The following PRKN variants were observed in gnomAD, a reference collection of about 807,000 sequenced individuals.
The protein encoded by PRKN is E3 ubiquitin-protein ligase parkin.
A neutral mutation model predicts 59.5 loss-of-function variants in PRKN; 56 were observed. The ratio of observed to expected loss-of-function variants is 0.94; its 90% confidence interval spans 0.76 to 1.18. The LOEUF (loss-of-function observed/expected upper bound fraction) is 1.18. Ranked by LOEUF, PRKN falls within the 50% of genes most tolerant of loss-of-function variation. The probability of loss-of-function intolerance (pLI) is 0.00; values close to 1 mark genes in which losing one functional copy is unlikely to be tolerated. For missense variants in PRKN, 657 were observed against 596.4 expected (o/e 1.10, Z -1.06); for synonymous variants, 250 against 222.1 (o/e 1.13, Z -1.12).
chr6:161,743,578 C>T lies in PRKN; in HGVS notation c.871+42194G>A, dbSNP rs1233400859. On this transcript the variant is annotated intron_variant, in intron 7 of 11. Coordinates refer to ENST00000366898, the MANE Select transcript of PRKN (RefSeq NM_004562.3). ...TTTCTATCTTATCTCACAATGATCA[C>T]CACCCTCCAACCCAACATATAATTC... 2.0e-5 allele frequency among the ~76,000 whole-genome samples: 3 copies of T among 151,798 alleles called. No individual in the cohort carries two copies. In the East Asian group the frequency reaches 5.8e-4, roughly 30 times the overall value.
intron 7 of PRKN, among the ~76,000 whole-genome samples, chr6:161,603,506 G>A (rs115269357): frequency 1.3e-5 from 2 of 152,268 alleles, no homozygotes; most frequent in African/African-American, 4.8e-5. Context: ...ATAAATCACT[G>A]TTTGCGCACA....
chr6:162,655,027 A>T (rs1397002689), intron 1 of PRKN, among the ~76,000 whole-genome samples: 1 of 152,194 alleles, frequency 6.6e-6, no homozygotes. Flanking sequence ...ACAATTCTGT[A>T]TGCATAGTTA....
At position 161,355,908 on chromosome 6, in the gene PRKN, T is replaced by C. The variant is rs147897847; in HGVS notation, c.1285+4180A>G. 1.9e-3 allele frequency among the ~76,000 whole-genome samples: 295 copies of C among 151,674 alleles called. 2 individuals carry two copies. The highest frequency in any genetic ancestry group is 6.8e-3 in the African/African-American group (279 of 41,312). On this transcript the variant is annotated intron_variant, in intron 11 of 11. Transcript: ENST00000366898. This position sits in a 1 kb window ranked among gnomAD's most constrained non-coding sequence, Gnocchi z 6.8. ...TTATTAAACTGGTGGGTGGGACTCG[T>C]TGGGTAAAGGGGGAAGCAGACACTG...
Position 162,567,322 on chromosome 6 carries a change from G to A in PRKN, c.8-123849C>T, listed in dbSNP as rs148838895. Among the ~76,000 whole-genome samples, 814 of 152,232 alleles carry A rather than the reference G, an allele frequency of 5.3e-3. 8 individuals are homozygous for A. Among genetic ancestry groups the A allele is most frequent in the African/African-American group, 0.019 (778 of 41,558 alleles). On this transcript the variant is annotated intron_variant, in intron 1 of 11. Transcript: ENST00000366898. ...AGGCATCCAAATTGTAAAGGAAGAA[G>A]TCAAATTATCCTTGTCTGCAGATGA...
intron 4 of PRKN, among the ~76,000 whole-genome samples, chr6:162,099,733 C>T (rs891717446): frequency 1.7e-4 from 26 of 152,190 alleles, no homozygotes; most frequent in African/African-American, 3.6e-4. Flanking sequence ...TAAATTGAGA[C>T]AATATGTGCA....
intron 4 of PRKN, among the ~76,000 whole-genome samples, chr6:162,078,846 A>C: frequency 6.7e-6 from 1 of 148,906 alleles, no homozygotes; most frequent in Non-Finnish European, 1.5e-5. Context: ...GTTACTAAGC[A>C]AGATTATTAA....
intron 6 of PRKN, among the ~76,000 whole-genome samples, chr6:161,787,403 C>T (rs999062218): frequency 1.3e-5 from 2 of 152,156 alleles, no homozygotes; most frequent in East Asian, 1.9e-4. Context: ...ATAATGCTTT[C>T]CTATTTCTAA....
intron 2 of PRKN, among the ~76,000 whole-genome samples, chr6:162,371,935 TAGA>T (rs1419350302): frequency 1.3e-5 from 2 of 152,160 alleles, no homozygotes; most frequent in East Asian, 3.9e-4. Context: ...GTGGAAACAT[TAGA>T]AGGGCATGAT....
At chr6:162,094,703 CCA>C (rs1412976233) in intron 4 of PRKN, among the ~76,000 whole-genome samples, 7 of 151,922 alleles carry the variant, frequency 4.6e-5, no homozygotes, top group African/African-American at 1.7e-4. Flanking sequence ...GTTTCATTTT[CCA>C]TTATTAGTTT....
At chr6:161,883,945 G>A (rs1366342833) in intron 6 of PRKN, among the ~76,000 whole-genome samples, 5 of 152,086 alleles carry the variant, frequency 3.3e-5, no homozygotes, top group African/African-American at 9.7e-5. Flanking sequence ...GAGCCACTGC[G>A]CCCAGCCTAA....
intron 2 of PRKN, among the ~76,000 whole-genome samples, chr6:162,329,203 C>T (rs891201564): frequency 1.1e-4 from 16 of 152,074 alleles, no homozygotes; most frequent in Non-Finnish European, 2.4e-4. Context: ...ACAGCTCCAG[C>T]CATATAAATG....
chr6:161,714,314 A>G (rs972374954), intron 7 of PRKN, among the ~76,000 whole-genome samples: 39 of 152,216 alleles, frequency 2.6e-4, no homozygotes, highest in African/African-American at 8.9e-4. Context: ...CAGTATTATT[A>G]AGAAATGGCT....
intron 6 of PRKN, among the ~76,000 whole-genome samples, chr6:161,924,625 T>C (rs999055968): frequency 6.6e-6 from 1 of 152,048 alleles, no homozygotes; most frequent in Admixed American, 6.5e-5. Context: ...GAAGTCCAGA[T>C]AGGTTAAGAG....
intron 7 of PRKN, among the ~76,000 whole-genome samples, chr6:161,758,681 T>A (rs553029157): frequency 6.6e-6 from 1 of 152,166 alleles, no homozygotes; most frequent in African/African-American, 2.4e-5. Flanking sequence ...AAAAACAATA[T>A]AAACCAACAT....
chr6:161,862,292 T>C (rs936594983), intron 6 of PRKN, among the ~76,000 whole-genome samples: 2 of 152,176 alleles, frequency 1.3e-5, no homozygotes, highest in African/African-American at 4.8e-5. Context: ...TCTCCTAGCC[T>C]TTTTTGAGTC....
At chr6:161,465,803 C>G (rs1267004783) in intron 9 of PRKN, among the ~76,000 whole-genome samples, 1 of 152,092 alleles carries the variant, frequency 6.6e-6, no homozygotes, top group East Asian at 1.9e-4. Flanking sequence ...TCAAATATTT[C>G]TTCTGGCCCA....
chr6:162,178,345 T>C (rs1008513883), intron 4 of PRKN, among the ~76,000 whole-genome samples: 2 of 152,214 alleles, frequency 1.3e-5, no homozygotes, highest in African/African-American at 2.4e-5. Context: ...GAGCAAATTG[T>C]AATGGGCCTA....
At chr6:161,667,740 CAT>C (rs1210158749) in intron 7 of PRKN, among the ~76,000 whole-genome samples, 3 of 152,150 alleles carry the variant, frequency 2.0e-5, no homozygotes, top group South Asian at 4.1e-4. Context: ...AAAAAGACAA[CAT>C]ATTATGACAC....
intron 2 of PRKN, among the ~76,000 whole-genome samples, chr6:162,308,092 G>A (rs1267189581): frequency 2.6e-5 from 4 of 152,258 alleles, no homozygotes; most frequent in Non-Finnish European, 4.4e-5. Context: ...CAGGCACGTG[G>A]CCTTCTTCAC....
Sources: gnomAD v4.1 joint callset for allele counts (sites outside exome capture counted in the v4.1 genomes callset) on GRCh38, gnomAD v4.1.1 for gene constraint, Gnocchi (gnomAD v3.1) non-coding constraint, MANE v1.5 for transcripts, NCBI Gene and HGNC (gene_info 2026-07-23, HGNC 2026-07-21) for gene names.